The following LRRC37A2 variants were observed in gnomAD, a reference collection of about 807,000 sequenced individuals.
LRRC37A2 encodes the protein leucine-rich repeat-containing protein 37A2.
In LRRC37A2, 9 loss-of-function variants were observed where a neutral mutation model predicts 68.8. That is an observed-to-expected ratio of 0.13 (90% CI 0.08 to 0.23). The LOEUF is 0.23. LRRC37A2 is among the 10% of genes least tolerant of loss of function. The pLI, the probability that LRRC37A2 is intolerant of heterozygous loss-of-function variation, is 1.00. For synonymous variants in LRRC37A2, 63 were observed against 367.6 expected, an observed-to-expected ratio of 0.17 and a Z score of 9.48; for missense variants, 168 against 950.4, an observed-to-expected ratio of 0.18 and a Z score of 10.82.
chr17:46,987,534 T>C, the LRRC37A2 span, among the ~76,000 whole-genome samples: 1 of 152,170 alleles, frequency 6.6e-6, no homozygotes, highest in Non-Finnish European at 1.5e-5. Context: ...CTTGCAACCA[T>C]ATGGAGGACA....
chr17:46,847,357 T>G, the LRRC37A2 span, among the ~76,000 whole-genome samples: 1 of 152,206 alleles, frequency 6.6e-6, no homozygotes, highest in Non-Finnish European at 1.5e-5. Context: ...CTTTCTGGAC[T>G]TTAGTGCCCT....
the LRRC37A2 span, among the ~76,000 whole-genome samples, chr17:46,684,960 G>A: frequency 5.2e-4 from 50 of 96,288 alleles, 1 homozygote; most frequent in Admixed American, 6.2e-3. Context: ...GATCCAAATG[G>A]CAATTGTAAG....
chr17:46,926,412 A>G, the LRRC37A2 span, among the ~76,000 whole-genome samples: 1 of 152,150 alleles, frequency 6.6e-6, no homozygotes, highest in African/African-American at 2.4e-5. Context: ...TTTAAAAAGC[A>G]CTTCCATTAA....
At chr17:46,984,984 C>T in the LRRC37A2 span, among the ~76,000 whole-genome samples, 41 of 152,292 alleles carry the variant, frequency 2.7e-4, no homozygotes, top group East Asian at 7.3e-3. Context: ...CCCTAGGACC[C>T]GGTTTACACT....
chr17:46,787,744 A>G, the LRRC37A2 span, among the ~76,000 whole-genome samples: 1 of 152,234 alleles, frequency 6.6e-6, no homozygotes, highest in African/African-American at 2.4e-5. Context: ...AACTGAAGTC[A>G]GGAGTTCGAG....
At chr17:46,569,349 T>TTATATA in the LRRC37A2 span, among the ~76,000 whole-genome samples, 1 of 147,170 alleles carries the variant, frequency 6.8e-6, no homozygotes, top group African/African-American at 2.6e-5. Context: ...CATGAAGATT[T>TTATATA]TATATATATA....
At chr17:47,011,231 C>A in the LRRC37A2 span, among the ~76,000 whole-genome samples, 121 of 152,196 alleles carry the variant, frequency 8.0e-4, no homozygotes, top group Admixed American at 7.1e-3. Context: ...AGAAACAGCC[C>A]CAGATTTTCA....
chr17:46,811,280 G>T, the LRRC37A2 span, among the ~76,000 whole-genome samples: 1 of 151,966 alleles, frequency 6.6e-6, no homozygotes, highest in Non-Finnish European at 1.5e-5. Context: ...GCATGGGTCA[G>T]TGTTAATATG....
At chr17:46,936,589 G>A in the LRRC37A2 span, 1 of 985,476 alleles carries the variant, frequency 1.0e-6, no homozygotes, top group Non-Finnish European at 1.2e-6. Context: ...GGGCATGAAG[G>A]GGCTAGGCTG....
the LRRC37A2 span, among the ~76,000 whole-genome samples, chr17:46,743,355 C>A: frequency 2.6e-5 from 4 of 152,192 alleles, no homozygotes; most frequent in African/African-American, 9.7e-5. Flanking sequence ...CCCACCTGTT[C>A]AGATGCTTGC....
chr17:46,793,456 A>C, the LRRC37A2 span, among the ~76,000 whole-genome samples: 1 of 152,190 alleles, frequency 6.6e-6, no homozygotes, highest in African/African-American at 2.4e-5. Flanking sequence ...CCCGCCTATC[A>C]GTCTTTTTTC....
chr17:46,801,912 T>G, the LRRC37A2 span, among the ~76,000 whole-genome samples: 2 of 152,300 alleles, frequency 1.3e-5, no homozygotes, highest in Non-Finnish European at 2.9e-5. Flanking sequence ...CCCTAAGGCC[T>G]GGCTGTAGCA....
the LRRC37A2 span, among the ~76,000 whole-genome samples, chr17:47,020,623 C>T: frequency 6.7e-6 from 1 of 149,180 alleles, no homozygotes; most frequent in African/African-American, 2.5e-5. Context: ...ACTAAAAATA[C>T]AGAAAAAAAT....
the LRRC37A2 span, among the ~76,000 whole-genome samples, chr17:46,980,364 TTCTC>T: frequency 1.0e-5 from 1 of 99,306 alleles, no homozygotes; most frequent in African/African-American, 3.9e-5. Context: ...TCTTCTTTCT[TTCTC>T]TTCTTCTTTC....
chr17:46,872,093 CTG>C, the LRRC37A2 span, among the ~76,000 whole-genome samples: 1 of 152,218 alleles, frequency 6.6e-6, no homozygotes, highest in African/African-American at 2.4e-5. Flanking sequence ...CACCAATACT[CTG>C]TGCATTATTT....
chr17:46,771,513 C>T, the LRRC37A2 span, among the ~76,000 whole-genome samples: 6 of 149,040 alleles, frequency 4.0e-5, no homozygotes, highest in Non-Finnish European at 9.0e-5. Flanking sequence ...GGGGGCGGGG[C>T]GGGGATTAGC....
At chr17:46,820,552 C>T in the LRRC37A2 span, among the ~76,000 whole-genome samples, 1 of 152,038 alleles carries the variant, frequency 6.6e-6, no homozygotes, top group Admixed American at 6.5e-5. Context: ...AGTGGTGAAC[C>T]TGGTGGGGGC....
the LRRC37A2 span, chr17:46,851,735 C>G: frequency 8.0e-7 from 1 of 1,243,402 alleles, no homozygotes. The surrounding 1 kb of genome is among the most constrained non-coding windows in gnomAD (Gnocchi z 4.3). Flanking sequence ...CGCCGCGCCC[C>G]CCGCCCGCTC....
chr17:46,721,995 T>C, the LRRC37A2 span: 2 of 1,607,990 alleles, frequency 1.2e-6, no homozygotes, highest in African/African-American at 2.7e-5. Context: ...ATGATAGCTT[T>C]CCGACCACCA....
Sources: gnomAD v4.1 joint callset for allele counts (sites outside exome capture counted in the v4.1 genomes callset) on GRCh38, gnomAD v4.1.1 for gene constraint, Gnocchi (gnomAD v3.1) non-coding constraint, MANE v1.5 for transcripts, NCBI Gene and HGNC (gene_info 2026-07-23, HGNC 2026-07-21) for gene names.